UXS1: variants seen among roughly 807,000 people sequenced by gnomAD.
UXS1 encodes UDP-glucuronate decarboxylase 1.
In UXS1, 33 loss-of-function variants were observed where a neutral mutation model predicts 62.6. The observed-to-expected ratio is 0.53, with a 90% CI of 0.40 to 0.70. The LOEUF is 0.70. UXS1 is among the 30% of genes least tolerant of loss of function. The probability of loss-of-function intolerance (pLI) is 0.00; values close to 1 mark genes in which losing one functional copy is unlikely to be tolerated. For synonymous variants in UXS1, 213 were observed against 206.8 expected, an observed-to-expected ratio of 1.03 and a Z score of -0.26; for missense variants, 434 against 556.3, an observed-to-expected ratio of 0.78 and a Z score of 2.21.
intron 1 of UXS1, chr2:106,166,408 T>C (rs1410056695): frequency 4.8e-6 from 1 of 207,350 alleles, no homozygotes; most frequent in African/African-American, 2.3e-5. Flanking sequence ...TATCAAGAAT[T>C]TACATTAAAA....
At chr2:106,189,168 G>A (rs529387057) in intron 1 of UXS1, among the ~76,000 whole-genome samples, 1 of 152,236 alleles carries the variant, frequency 6.6e-6, no homozygotes, top group East Asian at 1.9e-4. Flanking sequence ...AATAATTCAA[G>A]AAAATTCCCA....
At chr2:106,110,819 G>A (rs912415924) in intron 10 of UXS1, among the ~76,000 whole-genome samples, 3 of 152,196 alleles carry the variant, frequency 2.0e-5, no homozygotes, top group South Asian at 2.1e-4. Context: ...TGAAAAATTC[G>A]TATTTCAGTT....
At chr2:106,192,558 A>G (rs1685000534) in intron 1 of UXS1, among the ~76,000 whole-genome samples, 1 of 149,678 alleles carries the variant, frequency 6.7e-6, no homozygotes, top group Non-Finnish European at 1.5e-5. Context: ...TCCGTCTCAA[A>G]AAAAAAAAAA....
chr2:106,125,545 C>G (rs1679866003), intron 8 of UXS1, 75 bp downstream of exon 8: 2 of 1,378,862 alleles, frequency 1.5e-6, no homozygotes, highest in Admixed American at 5.4e-5. Context: ...GAAAAGAACA[C>G]TGGACTCTTC....
intron 7 of UXS1, 53 bp from the exon 8 acceptor site, chr2:106,125,732 ATT>A (rs1325064834): frequency 1.4e-6 from 2 of 1,478,012 alleles, no homozygotes; most frequent in Non-Finnish European, 1.8e-6. Context: ...GTGCAGGCAC[ATT>A]TTTTGCTGGC....
intron 1 of UXS1, among the ~76,000 whole-genome samples, chr2:106,177,726 T>G (rs1162550905): frequency 6.6e-6 from 1 of 152,212 alleles, no homozygotes; most frequent in Non-Finnish European, 1.5e-5. Flanking sequence ...CTGAATCTGC[T>G]GGGGCCTTCA....
intron 6 of UXS1, among the ~76,000 whole-genome samples, chr2:106,142,923 ATGTGTGTGTG>A (rs141333004): frequency 1.3e-5 from 2 of 148,960 alleles, no homozygotes; most frequent in Admixed American, 6.7e-5. Flanking sequence ...GTTTGCATGT[ATGTGTGTGTG>A]TGTGTGTGTG....
chr2:106,167,260 A>C (rs1456274314), intron 1 of UXS1, among the ~76,000 whole-genome samples: 1 of 140,212 alleles, frequency 7.1e-6, no homozygotes, highest in Non-Finnish European at 1.7e-5. Context: ...ACACACTCCT[A>C]TTTGGCCCTC....
rs1676876874 is a variant in UXS1 at position 106,094,071 on chromosome 2, T to C, written c.1233A>G (p.Lys411=). 1 of 1,612,300 alleles carries C rather than the reference T, an allele frequency of 6.2e-7. No individual in the cohort carries two copies. Among genetic ancestry groups the C allele is most frequent in the Non-Finnish European group, 8.5e-7 (1 of 1,179,450 alleles). ...EYQANNQYIP[K]PKPARIKKGR... ...CTTTCTTTATTCTGGCAGGCTTTGG[T>C]TTGGGGATGTACTGATTATTTGCCT... Residue 411 remains lysine, a synonymous_variant, in exon 15 of 15, where the codon AAA becomes AAG. Coordinates refer to ENST00000283148, the MANE Select transcript of UXS1 (RefSeq NM_001253875.2).
rs1489678375 is a variant in UXS1 at position 106,158,094 on chromosome 2, T to C, written c.255A>G (p.Val85=). ...TCCGATCCTTTTCTGATAAAAACTT[T>C]ACTGGTGGGTATTTCTGGGTAAAGC... ...EKSFTQKYPP[V]KFLSEKDRKR... Residue 85 remains valine, a synonymous_variant, in exon 5 of 15, where the codon GTA becomes GTG. Coordinates refer to ENST00000283148, the MANE Select transcript of UXS1 (RefSeq NM_001253875.2). 2 of 1,567,176 alleles carry C rather than the reference T, an allele frequency of 1.3e-6. No individual in the cohort carries two copies. The highest frequency in any genetic ancestry group is 2.3e-5 in the East Asian group (1 of 42,822).
At chr2:106,101,215 C>A in intron 11 of UXS1, 97 bp from the exon 12 acceptor site, 3 of 1,316,668 alleles carry the variant, frequency 2.3e-6, no homozygotes, top group East Asian at 2.4e-5. Context: ...ATTACCACCC[C>A]CAGGAGAAAA....
intron 9 of UXS1, among the ~76,000 whole-genome samples, chr2:106,117,465 C>T (rs1679148162): frequency 6.6e-6 from 1 of 152,156 alleles, no homozygotes; most frequent in African/African-American, 2.4e-5. Context: ...CTTAAAGTAG[C>T]AGTTTCCAAG....
At chr2:106,188,237 G>A (rs973118484) in intron 1 of UXS1, among the ~76,000 whole-genome samples, 27 of 152,076 alleles carry the variant, frequency 1.8e-4, no homozygotes, top group African/African-American at 6.5e-4. Context: ...CAATCCACGT[G>A]GACAGGGAGA....
At chr2:106,123,478 G>GA (rs555075103) in intron 8 of UXS1, among the ~76,000 whole-genome samples, 6 of 151,950 alleles carry the variant, frequency 3.9e-5, no homozygotes, top group Admixed American at 2.0e-4. Context: ...TGTATTTATT[G>GA]AAAAAAAATG....
chr2:106,164,689 G>C (rs1221999876), intron 3 of UXS1, 47 bp downstream of exon 3: 1 of 1,377,930 alleles, frequency 7.3e-7, no homozygotes, highest in Non-Finnish European at 9.9e-7. Context: ...AAGTAAAATT[G>C]ACAAGTATAC....
At chr2:106,190,371 A>G (rs1294813249) in intron 1 of UXS1, among the ~76,000 whole-genome samples, 1 of 152,204 alleles carries the variant, frequency 6.6e-6, no homozygotes, top group East Asian at 1.9e-4. Flanking sequence ...GTCACTAGGT[A>G]ATATCTACAA....
chr2:106,187,505 C>T (rs1684635689), intron 1 of UXS1, among the ~76,000 whole-genome samples: 1 of 152,234 alleles, frequency 6.6e-6, no homozygotes, highest in Non-Finnish European at 1.5e-5. Context: ...AAGGGCAAAA[C>T]TGTACCGTAA....
At chr2:106,144,086 G>C (rs1681365451) in intron 6 of UXS1, among the ~76,000 whole-genome samples, 1 of 152,180 alleles carries the variant, frequency 6.6e-6, no homozygotes, top group Non-Finnish European at 1.5e-5. Context: ...ATCTTAGCAG[G>C]GAACTGTGAG....
At chr2:106,130,698 G>A (rs1680373043) in intron 6 of UXS1, among the ~76,000 whole-genome samples, 1 of 152,130 alleles carries the variant, frequency 6.6e-6, no homozygotes, top group Admixed American at 6.5e-5. Flanking sequence ...CTTTCCCAGT[G>A]CCGGGAATGG....
Sources: allele counts gnomAD v4.1 joint callset (sites outside exome capture counted in the v4.1 genomes callset), GRCh38; gene constraint gnomAD v4.1.1; transcripts MANE v1.5; gene names NCBI Gene and HGNC (gene_info 2026-07-23, HGNC 2026-07-21).